MICAL3: variants seen among roughly 807,000 people sequenced by gnomAD.
MICAL3 encodes microtubule associated monooxygenase, calponin and LIM domain containing 3.
Under a neutral mutation model 207.4 loss-of-function variants are expected in MICAL3, and 62 were observed. That is an observed-to-expected ratio of 0.30 (90% CI 0.24 to 0.37). The LOEUF (loss-of-function observed/expected upper bound fraction) is 0.37, where lower values mean the gene tolerates loss of function less well. MICAL3 is among the 10% of genes least tolerant of loss of function. The probability of loss-of-function intolerance (pLI) is 1.00; values close to 1 mark genes in which losing one functional copy is unlikely to be tolerated. For synonymous variants in MICAL3, 1,077 were observed against 1,069.3 expected (o/e 1.01, Z -0.14); for missense variants, 2,368 against 2,635.6 (o/e 0.90, Z 2.22).
At chr22:17,842,047 G>A (rs773384646) in intron 19 of MICAL3, 30 bp from the exon 20 acceptor site, 2 of 1,582,394 alleles carry the variant, frequency 1.3e-6, no homozygotes, top group Non-Finnish European at 1.7e-6. Context: ...GCACTGCACT[G>A]AGGTCCAACC....
At chr22:17,825,997 C>T (rs1391715373) in intron 22 of MICAL3, among the ~76,000 whole-genome samples, 1 of 152,208 alleles carries the variant, frequency 6.6e-6, no homozygotes. Flanking sequence ...AGCACCCGCC[C>T]ATCCTCTGCT....
At chr22:17,980,730 A>G in intron 1 of MICAL3, 4 of 434,758 alleles carry the variant, frequency 9.2e-6, no homozygotes, top group South Asian at 6.7e-5. Context: ...CTTTCTCCAG[A>G]GTGCCACAGT....
At position 17,976,767 on chromosome 22, in the gene MICAL3, G is replaced by A. The variant is rs553133737; in HGVS notation, c.-75+47514C>T. Among the ~76,000 whole-genome samples the A allele has an allele frequency of 2.0e-5, 3 of 149,182 alleles. No individual in the cohort carries two copies. In the South Asian group the frequency reaches 6.3e-4, roughly 31 times the overall value. On this transcript the variant is annotated intron_variant, in intron 1 of 31. Coordinates refer to ENST00000441493, the MANE Select transcript of MICAL3 (RefSeq NM_015241.3). Reference sequence around the variant, plus strand: ...CCAAACATAAGTTCTGAGTATTAAAGGTTATGGGACTGTTACAGACTACTT... The same window carrying A: ...CCAAACATAAGTTCTGAGTATTAAAAGTTATGGGACTGTTACAGACTACTT...
chr22:17,985,132 A>G (rs188656914), intron 1 of MICAL3, among the ~76,000 whole-genome samples: 2 of 152,350 alleles, frequency 1.3e-5, no homozygotes, highest in Non-Finnish European at 2.9e-5. Context: ...TCTGCATGCA[A>G]TATTGCAGGA....
chr22:17,871,723 A>G (rs1927743789), intron 17 of MICAL3, 114 bp downstream of exon 17: 4 of 919,850 alleles, frequency 4.3e-6, no homozygotes, highest in Non-Finnish European at 6.4e-6. Flanking sequence ...GAGAGGCATG[A>G]TGGAAAAGAC....
chr22:17,834,641 C>T, intron 20 of MICAL3: 1 of 1,029,472 alleles, frequency 9.7e-7, no homozygotes, highest in South Asian at 3.2e-5. Context: ...TGCTAAAGCG[C>T]AGCAGAACAC....
chr22:17,807,666 T>A (rs2062001870), intron 29 of MICAL3, among the ~76,000 whole-genome samples: 1 of 152,120 alleles, frequency 6.6e-6, no homozygotes, highest in African/African-American at 2.4e-5. Flanking sequence ...CATTCTGGAC[T>A]CCCTCACTCC....
At position 17,937,336 on chromosome 22, in the gene MICAL3, TC is replaced by T. The variant is rs540702710; in HGVS notation, c.-74-30451del. ...ATTGGACAAGGCCAAAGTCTAGCTT[TC>T]CCCCCGATCTACTTCAGTCCCATAC... On this transcript the variant is annotated intron_variant, in intron 1 of 31. Transcript: ENST00000441493. Among the ~76,000 whole-genome samples, 480 of 152,162 alleles carry T rather than the reference TC, an allele frequency of 3.2e-3. 4 individuals are homozygous for T. The highest frequency in any genetic ancestry group is 0.011 in the African/African-American group (460 of 41,506).
intron 10 of MICAL3, among the ~76,000 whole-genome samples, chr22:17,894,295 A>G (rs1930637886): frequency 6.6e-6 from 1 of 151,204 alleles, no homozygotes; most frequent in South Asian, 2.1e-4. Context: ...GGGAGGCTGA[A>G]GTGGGAGGAT....
intron 19 of MICAL3, among the ~76,000 whole-genome samples, chr22:17,859,656 T>C (rs904795955): frequency 2.0e-5 from 3 of 152,200 alleles, no homozygotes; most frequent in African/African-American, 7.2e-5. Context: ...CTTTCAACCT[T>C]ACCAGGAGCA....
At position 17,872,345 on chromosome 22, in the gene MICAL3, C is replaced by T. The variant is rs372045704; in HGVS notation, c.2242-322G>A. The stretch of plus-strand genomic sequence containing the variant: ...ATGCTATGATACAGCCTGGCGACGC[C>T]GGGAAATATCGACAAGAAAGAGTCT... On this transcript the variant is annotated intron_variant, in intron 16 of 31. Coordinates refer to ENST00000441493, the MANE Select transcript of MICAL3 (RefSeq NM_015241.3). Among the ~76,000 whole-genome samples the T allele has an allele frequency of 5.9e-5, 9 of 152,032 alleles. No individual in the cohort carries two copies. The South Asian group carries it at 6.3e-4, about 11-fold the overall frequency.
At chr22:17,949,459 AG>A (rs1435488095) in intron 1 of MICAL3, among the ~76,000 whole-genome samples, 1 of 152,194 alleles carries the variant, frequency 6.6e-6, no homozygotes, top group Non-Finnish European at 1.5e-5. Flanking sequence ...GCGACAAAGC[AG>A]GGAGAACTGC....
At chr22:17,883,088 C>A (rs1929580534) in intron 16 of MICAL3, among the ~76,000 whole-genome samples, 1 of 152,302 alleles carries the variant, frequency 6.6e-6, no homozygotes, top group Middle Eastern at 3.4e-3. Context: ...GTTTTGGAAT[C>A]CAATTTGGAG....
At chr22:17,828,143 GC>G (rs1309983262) in intron 21 of MICAL3, among the ~76,000 whole-genome samples, 10 of 152,364 alleles carry the variant, frequency 6.6e-5, no homozygotes, top group Admixed American at 2.0e-4. Context: ...ATTCCAGCCT[GC>G]TTCTGCAGGC....
intron 19 of MICAL3, among the ~76,000 whole-genome samples, chr22:17,856,363 T>C (rs1024102254): frequency 1.3e-5 from 2 of 152,218 alleles, no homozygotes; most frequent in African/African-American, 4.8e-5. Context: ...GGATTGCTGC[T>C]GGCTCTCGGC....
At chr22:17,968,069 A>G (rs1219687757) in intron 1 of MICAL3, among the ~76,000 whole-genome samples, 1 of 144,158 alleles carries the variant, frequency 6.9e-6, no homozygotes, top group Non-Finnish European at 1.6e-5. Flanking sequence ...AAATTTAAAA[A>G]TTAAATAAAA....
At chr22:17,834,106 T>G (rs943223283) in intron 20 of MICAL3, among the ~76,000 whole-genome samples, 1 of 152,198 alleles carries the variant, frequency 6.6e-6, no homozygotes, top group African/African-American at 2.4e-5. Flanking sequence ...GGGGCAGTCT[T>G]GTGGGCTGTA....
intron 22 of MICAL3, among the ~76,000 whole-genome samples, chr22:17,825,950 CT>C (rs1333277498): frequency 6.6e-6 from 1 of 152,182 alleles, no homozygotes; most frequent in Non-Finnish European, 1.5e-5. Context: ...GGTGTCACCC[CT>C]GGTCACACCC....
At chr22:17,822,729 C>T (rs532638795) in intron 23 of MICAL3, among the ~76,000 whole-genome samples, 1 of 152,248 alleles carries the variant, frequency 6.6e-6, no homozygotes. Context: ...CAGGTTGGCT[C>T]AGGCACCCAG....
Sources: allele counts gnomAD v4.1 joint callset (sites outside exome capture counted in the v4.1 genomes callset), GRCh38; gene constraint gnomAD v4.1.1; transcripts MANE v1.5; gene names NCBI Gene and HGNC (gene_info 2026-07-23, HGNC 2026-07-21).